The following ULK4 variants were observed in gnomAD, a reference collection of about 807,000 sequenced individuals.
ULK4 encodes unc-51 like kinase 4, also known as inactive serine/threonine-protein kinase ULK4.
Under a neutral mutation model 160.6 loss-of-function variants are expected in ULK4, and 133 were observed. The observed-to-expected ratio is 0.83, with a 90% confidence interval of 0.72 to 0.96. The LOEUF is 0.96. ULK4 is among the 40% of genes least tolerant of loss of function. The probability of loss-of-function intolerance (pLI) is 0.00; values close to 1 mark genes in which losing one functional copy is unlikely to be tolerated. For synonymous variants in ULK4, 534 were observed against 539.8 expected (o/e 0.99, Z 0.15); for missense variants, 1,580 against 1,499.5 (o/e 1.05, Z -0.89).
intron 35 of ULK4, among the ~76,000 whole-genome samples, chr3:41,386,759 G>A (rs1157223159): frequency 6.6e-6 from 1 of 152,142 alleles, no homozygotes; most frequent in South Asian, 2.1e-4. Context: ...GCAGATACTA[G>A]GAGGAGACCG....
intron 21 of ULK4, among the ~76,000 whole-genome samples, chr3:41,767,793 T>C (rs1402703105): frequency 2.0e-5 from 3 of 152,142 alleles, no homozygotes; most frequent in Admixed American, 2.0e-4. Context: ...GAGATTTTTT[T>C]CTCAAAAGCC....
intron 17 of ULK4, among the ~76,000 whole-genome samples, chr3:41,861,987 T>A (rs1229538520): frequency 6.6e-6 from 1 of 152,032 alleles, no homozygotes; most frequent in African/African-American, 2.4e-5. Flanking sequence ...AATTTTTGTA[T>A]TTTTTGTAGA....
chr3:41,626,465 T>A (rs986892936), intron 30 of ULK4, among the ~76,000 whole-genome samples: 1 of 152,080 alleles, frequency 6.6e-6, no homozygotes, highest in Non-Finnish European at 1.5e-5. Context: ...GCTGTGATTA[T>A]TAAATAATTA....
At chr3:41,952,040 T>C (rs151192414) in intron 2 of ULK4, among the ~76,000 whole-genome samples, 166 of 152,256 alleles carry the variant, frequency 1.1e-3, no homozygotes, top group African/African-American at 3.8e-3. Flanking sequence ...GAACACCACA[T>C]AGAAAATTTA....
intron 36 of ULK4, among the ~76,000 whole-genome samples, chr3:41,247,727 G>A (rs893924675): frequency 2.6e-5 from 4 of 152,188 alleles, no homozygotes; most frequent in Admixed American, 6.5e-5. Flanking sequence ...GAAGGAATGC[G>A]TTTGAACTTG....
At chr3:41,668,859 T>C (rs1198491024) in intron 29 of ULK4, among the ~76,000 whole-genome samples, 2 of 152,110 alleles carry the variant, frequency 1.3e-5, no homozygotes, top group African/African-American at 4.8e-5. Context: ...AAATGTAAAA[T>C]GAATGAGAAA....
chr3:41,257,102 C>T (rs1484674333), intron 35 of ULK4, among the ~76,000 whole-genome samples: 2 of 152,142 alleles, frequency 1.3e-5, no homozygotes, highest in Non-Finnish European at 2.9e-5. Flanking sequence ...TCTGAATAGA[C>T]ACATCAGAAA....
chr3:41,306,438 C>T (rs2079937654), intron 35 of ULK4, among the ~76,000 whole-genome samples: 1 of 145,420 alleles, frequency 6.9e-6, no homozygotes, highest in South Asian at 2.1e-4. Context: ...TGAGGAGCCC[C>T]TCTGCCCGGC....
intron 35 of ULK4, among the ~76,000 whole-genome samples, chr3:41,274,400 T>C (rs2079195164): frequency 1.3e-5 from 2 of 152,182 alleles, no homozygotes; most frequent in African/African-American, 4.8e-5. Flanking sequence ...TAGTAATTGT[T>C]CCCTAAAAAT....
intron 35 of ULK4, among the ~76,000 whole-genome samples, chr3:41,298,979 A>G (rs2079727859): frequency 6.6e-6 from 1 of 152,190 alleles, no homozygotes; most frequent in Admixed American, 6.5e-5. Context: ...AATGGCTGCA[A>G]TTATTCTCCC....
At chr3:41,709,544 G>A (rs932857006) in intron 25 of ULK4, among the ~76,000 whole-genome samples, 14 of 151,938 alleles carry the variant, frequency 9.2e-5, no homozygotes, top group East Asian at 3.9e-4. Flanking sequence ...GCGCCACCAC[G>A]CCCAGTTAAT....
At chr3:41,850,005 C>T (rs1416059535) in intron 17 of ULK4, among the ~76,000 whole-genome samples, 2 of 152,076 alleles carry the variant, frequency 1.3e-5, no homozygotes, top group African/African-American at 2.4e-5. Flanking sequence ...TGTTCCCCTT[C>T]CTGTGCCCAA....
chr3:41,391,612 A>G (rs2081958716), intron 35 of ULK4, among the ~76,000 whole-genome samples: 1 of 151,906 alleles, frequency 6.6e-6, no homozygotes, highest in African/African-American at 2.4e-5. Context: ...TGGCTGCAGA[A>G]TTCCTGGTTT....
At chr3:41,563,710 A>G (rs1300192637) in intron 32 of ULK4, among the ~76,000 whole-genome samples, 1 of 152,138 alleles carries the variant, frequency 6.6e-6, no homozygotes, top group Admixed American at 6.5e-5. Flanking sequence ...CACCTCCTTC[A>G]GGTCATTTAA....
chr3:41,332,207 GA>G (rs546966550), intron 35 of ULK4, among the ~76,000 whole-genome samples: 20 of 143,152 alleles, frequency 1.4e-4, no homozygotes, highest in South Asian at 4.5e-4. Flanking sequence ...CAGCCAAGAG[GA>G]AAAAAAAAAA....
At chr3:41,343,730 T>G (rs1384167395) in intron 35 of ULK4, among the ~76,000 whole-genome samples, 5 of 152,176 alleles carry the variant, frequency 3.3e-5, no homozygotes, top group African/African-American at 1.2e-4. Flanking sequence ...AGCCAAATCA[T>G]GAATGAACTC....
At chr3:41,466,364 C>T (rs2083834430) in intron 32 of ULK4, among the ~76,000 whole-genome samples, 1 of 152,072 alleles carries the variant, frequency 6.6e-6, no homozygotes, top group Non-Finnish European at 1.5e-5. Context: ...ATTTCTAATG[C>T]CAGACTCCAG....
chr3:41,655,503 T>A (rs186067763), intron 30 of ULK4, among the ~76,000 whole-genome samples: 9 of 152,082 alleles, frequency 5.9e-5, no homozygotes, highest in Non-Finnish European at 1.2e-4. Context: ...GTTGTGCACA[T>A]GTACACTACA....
intron 17 of ULK4, among the ~76,000 whole-genome samples, chr3:41,881,611 GCTCT>G (rs772947353): frequency 3.3e-5 from 5 of 152,166 alleles, no homozygotes; most frequent in African/African-American, 4.8e-5. Flanking sequence ...TATTATACAA[GCTCT>G]CTATTATCCA....
Sources: gnomAD v4.1 joint callset for allele counts (sites outside exome capture counted in the v4.1 genomes callset) on GRCh38, gnomAD v4.1.1 for gene constraint, MANE v1.5 for transcripts, NCBI Gene and HGNC (gene_info 2026-07-23, HGNC 2026-07-21) for gene names.